Variants in SCN11A observed in about 807,000 individuals in gnomAD.
SCN11A encodes sodium channel protein type 11 subunit alpha.
Under a neutral mutation model 162.2 loss-of-function variants are expected in SCN11A, and 122 were observed. That is an observed-to-expected ratio of 0.75 (90% confidence interval 0.65 to 0.87). SCN11A has a LOEUF of 0.87. Among genes scored for constraint, SCN11A ranks in the 40% least tolerant of loss-of-function variants. SCN11A has a pLI of 0.00. For synonymous variants in SCN11A, 758 were observed against 751.5 expected (o/e 1.01, Z -0.14); for missense variants, 2,015 against 2,181.6 (o/e 0.92, Z 1.52).
At chr3:38,881,209 G>A (rs536867415) in intron 22 of SCN11A, among the ~76,000 whole-genome samples, 8 of 152,296 alleles carry the variant, frequency 5.3e-5, no homozygotes, top group Non-Finnish European at 1.0e-4. Context: ...GATTGGGTTA[G>A]GTTCCCATCC....
chr3:38,945,295 C>T, intron 7 of SCN11A, 116 bp downstream of exon 7: 3 of 639,878 alleles, frequency 4.7e-6, no homozygotes, highest in Admixed American at 2.8e-5. Context: ...CTGATTCTGC[C>T]AACATATGTG....
At position 39,051,924 on chromosome 3, in the gene SCN11A, A is replaced by G. The variant is rs903259740; in HGVS notation, c.-467T>C. 1.4e-6 allele frequency: 2 copies of G among 1,436,932 alleles called. No homozygotes were observed. The highest frequency in any genetic ancestry group is 1.8e-4 in the Middle Eastern group (1 of 5,702). The allele number at this position is 1,436,932 out of a possible 1,614,324, so 89.0% of individuals were successfully genotyped here. On this transcript the variant is annotated 5_prime_UTR_variant, in exon 1 of 30. Coordinates refer to ENST00000302328, the MANE Select transcript of SCN11A (RefSeq NM_001349253.2). ...ACCGAGGAAACACAACAGCCTGTTT[A>G]CCTTCAGCCCCGCCACTAACCCTTG...
chr3:39,042,832 C>A (rs1307371611), intron 1 of SCN11A, among the ~76,000 whole-genome samples: 1 of 151,520 alleles, frequency 6.6e-6, no homozygotes, highest in African/African-American at 2.4e-5. Context: ...TGGCGCATAC[C>A]TGTAATCCCA....
chr3:38,899,888 C>T lies in SCN11A; in HGVS notation c.2022+6G>A. ...GTTTATGCAGTAAAATAAGAAAGTG[C>T]CTTACCACTCTGAAGGAACGCAAGA... On this transcript the variant is annotated splice_donor_region_variant and intron_variant, in intron 17 of 29. Transcript: ENST00000302328. The T allele has an allele frequency of 6.2e-7, 1 of 1,611,624 alleles. No homozygotes were observed.
At chr3:38,861,646 C>T (rs1240014132) in intron 28 of SCN11A, among the ~76,000 whole-genome samples, 4 of 152,172 alleles carry the variant, frequency 2.6e-5, no homozygotes, top group Middle Eastern at 3.4e-3. Context: ...GGGGAAAGGA[C>T]ACCCTATCCC....
intron 19 of SCN11A, among the ~76,000 whole-genome samples, chr3:38,886,623 C>T (rs1185407862): frequency 6.6e-6 from 1 of 151,676 alleles, no homozygotes; most frequent in Non-Finnish European, 1.5e-5. Flanking sequence ...GTACACAATG[C>T]CATAATATAG....
chr3:38,944,110 A>T (rs2066480556), intron 7 of SCN11A, among the ~76,000 whole-genome samples: 1 of 152,182 alleles, frequency 6.6e-6, no homozygotes, highest in Admixed American at 6.5e-5. Flanking sequence ...TGTGTCAATT[A>T]AAATTGTTTT....
intron 2 of SCN11A, among the ~76,000 whole-genome samples, chr3:38,966,976 G>A (rs115396396): frequency 2.9e-3 from 444 of 152,360 alleles, no homozygotes; most frequent in Middle Eastern, 0.017. Flanking sequence ...AGGATTGAAG[G>A]AATGAGGAAT....
intron 2 of SCN11A, among the ~76,000 whole-genome samples, chr3:38,970,823 G>A (rs1265534438): frequency 1.3e-5 from 2 of 152,186 alleles, no homozygotes. Flanking sequence ...AGGCTTCATT[G>A]TGCCCCCAGA....
intron 1 of SCN11A, among the ~76,000 whole-genome samples, chr3:39,042,252 G>T (rs950566171): frequency 6.6e-6 from 1 of 152,098 alleles, no homozygotes; most frequent in African/African-American, 2.4e-5. Context: ...CTGAGAGACA[G>T]AGCAAGACTC....
chr3:38,913,088 T>C (rs2065908623), intron 11 of SCN11A, among the ~76,000 whole-genome samples: 1 of 152,340 alleles, frequency 6.6e-6, no homozygotes, highest in East Asian at 1.9e-4. Flanking sequence ...GTTGAACTAA[T>C]TTACACTTCT....
chr3:38,911,998 G>T (rs1461114582), intron 11 of SCN11A, among the ~76,000 whole-genome samples: 1 of 152,126 alleles, frequency 6.6e-6, no homozygotes, highest in Non-Finnish European at 1.5e-5. Flanking sequence ...TTTAATCAGA[G>T]GACCTGACAA....
At chr3:38,912,097 T>C (rs2065894519) in intron 11 of SCN11A, among the ~76,000 whole-genome samples, 1 of 152,216 alleles carries the variant, frequency 6.6e-6, no homozygotes, top group African/African-American at 2.4e-5. Context: ...GCATCCATTG[T>C]GCCCTCTTTC....
At chr3:38,913,255 A>T (rs554969823) in intron 11 of SCN11A, among the ~76,000 whole-genome samples, 1 of 152,176 alleles carries the variant, frequency 6.6e-6, no homozygotes, top group South Asian at 2.1e-4. Flanking sequence ...TTTTTATCAT[A>T]TGCTCGTTGG....
chr3:38,964,216 C>T (rs1275065129), intron 2 of SCN11A, among the ~76,000 whole-genome samples: 1 of 152,172 alleles, frequency 6.6e-6, no homozygotes, highest in East Asian at 1.9e-4. Context: ...CATTGCCGTC[C>T]CTTGGTGATG....
intron 11 of SCN11A, among the ~76,000 whole-genome samples, chr3:38,917,211 G>A (rs183910233): frequency 1.6e-4 from 24 of 152,346 alleles, no homozygotes; most frequent in Admixed American, 3.3e-4. Context: ...TTTATCCACC[G>A]TTGGTGGGAG....
chr3:38,943,218 A>G (rs892453359), intron 7 of SCN11A, among the ~76,000 whole-genome samples: 2 of 152,256 alleles, frequency 1.3e-5, no homozygotes, highest in Non-Finnish European at 2.9e-5. Flanking sequence ...ATACAAAAAT[A>G]TAGTATCATA....
intron 7 of SCN11A, among the ~76,000 whole-genome samples, chr3:38,930,091 GAGTCTGCAAGCACAAA>G (rs1235205429): frequency 6.6e-6 from 1 of 152,072 alleles, no homozygotes; most frequent in Non-Finnish European, 1.5e-5. Context: ...CAAAAATACT[GAGTCTGCAAGCACAAA>G]CACATACACA....
chr3:39,021,247 G>T (rs768180661), intron 2 of SCN11A, among the ~76,000 whole-genome samples: 5 of 151,982 alleles, frequency 3.3e-5, no homozygotes, highest in Non-Finnish European at 7.4e-5. Context: ...AGGTTAGTTG[G>T]CCATTTCTGA....
Sources: gnomAD v4.1 joint callset for allele counts (sites outside exome capture counted in the v4.1 genomes callset) on GRCh38, gnomAD v4.1.1 for gene constraint, MANE v1.5 for transcripts, NCBI Gene and HGNC (gene_info 2026-07-23, HGNC 2026-07-21) for gene names.